The following PRR16 variants were observed in gnomAD, a reference collection of about 807,000 sequenced individuals.
PRR16 encodes the protein protein Largen.
In PRR16, 6 loss-of-function variants were observed where a neutral mutation model predicts 18.2. The ratio of observed to expected loss-of-function variants is 0.33; its 90% CI spans 0.18 to 0.65. PRR16 has a LOEUF of 0.65. Among genes scored for constraint, PRR16 ranks in the 30% least tolerant of loss-of-function variants. The pLI, the probability that PRR16 is intolerant of heterozygous loss-of-function variation, is 0.74. For missense variants in PRR16, 412 were observed against 376.6 expected (o/e 1.09, Z -0.78); for synonymous variants, 151 against 147.8 (o/e 1.02, Z -0.16).
At chr5:120,600,913 T>C (rs1207819880) in intron 1 of PRR16, among the ~76,000 whole-genome samples, 1 of 152,042 alleles carries the variant, frequency 6.6e-6, no homozygotes, top group Non-Finnish European at 1.5e-5. Flanking sequence ...ATTTTGTTTT[T>C]TATGGCTGTG....
chr5:120,735,388 A>C, the PRR16 span, among the ~76,000 whole-genome samples: 1 of 151,742 alleles, frequency 6.6e-6, no homozygotes, highest in African/African-American at 2.4e-5. Context: ...AAAAGTGGGG[A>C]TATATATATA....
the PRR16 span, among the ~76,000 whole-genome samples, chr5:120,706,063 T>C: frequency 6.7e-4 from 102 of 152,246 alleles, no homozygotes; most frequent in African/African-American, 2.3e-3. Flanking sequence ...GGTACAAAAA[T>C]GGCTTCCAAT....
chr5:120,711,863 G>A, the PRR16 span, among the ~76,000 whole-genome samples: 1 of 152,188 alleles, frequency 6.6e-6, no homozygotes. Flanking sequence ...GATTTACAGA[G>A]AGAGGCCAGG....
chr5:120,520,270 C>T (rs544155625), intron 1 of PRR16, among the ~76,000 whole-genome samples: 1 of 152,224 alleles, frequency 6.6e-6, no homozygotes, highest in South Asian at 2.1e-4. Context: ...TGGCAGGCGC[C>T]TGTAATCCCA....
At chr5:120,517,103 A>G (rs983323740) in intron 1 of PRR16, among the ~76,000 whole-genome samples, 2 of 152,214 alleles carry the variant, frequency 1.3e-5, no homozygotes, top group African/African-American at 2.4e-5. Flanking sequence ...TTGGCAGCAG[A>G]TACTTTTATC....
intron 1 of PRR16, among the ~76,000 whole-genome samples, chr5:120,601,905 C>T (rs991055712): frequency 5.9e-5 from 9 of 151,612 alleles, no homozygotes; most frequent in African/African-American, 2.2e-4. Context: ...GGTTCTGTAA[C>T]CTGGTCCATT....
At chr5:120,751,873 T>A in the PRR16 span, among the ~76,000 whole-genome samples, 1 of 152,084 alleles carries the variant, frequency 6.6e-6, no homozygotes, top group Non-Finnish European at 1.5e-5. Flanking sequence ...GTTTTCAGTG[T>A]ACTTCTGGAA....
At chr5:120,683,927 A>C (rs1268951243) in intron 1 of PRR16, among the ~76,000 whole-genome samples, 1 of 152,164 alleles carries the variant, frequency 6.6e-6, no homozygotes, top group African/African-American at 2.4e-5. Flanking sequence ...GCTTCAAAAA[A>C]AAAAAAAACC....
At chr5:120,547,432 C>T (rs760035661) in intron 1 of PRR16, among the ~76,000 whole-genome samples, 3 of 152,008 alleles carry the variant, frequency 2.0e-5, no homozygotes, top group East Asian at 1.9e-4. Flanking sequence ...GATACTTCAC[C>T]GAATCCCATA....
At chr5:120,652,586 A>G (rs903890904) in intron 1 of PRR16, among the ~76,000 whole-genome samples, 1 of 152,054 alleles carries the variant, frequency 6.6e-6, no homozygotes, top group Non-Finnish European at 1.5e-5. Flanking sequence ...TAGTCTAACC[A>G]TAAGAAAAGT....
At chr5:120,485,684 A>G (rs2112816879) in intron 1 of PRR16, among the ~76,000 whole-genome samples, 1 of 152,250 alleles carries the variant, frequency 6.6e-6, no homozygotes, top group South Asian at 2.1e-4. Context: ...GTTTTAGGGT[A>G]CATGTGCACA....
chr5:120,584,349 G>A lies in PRR16; in HGVS notation c.160-101605G>A, dbSNP rs146948509. On this transcript the variant is annotated intron_variant, in intron 1 of 1. Coordinates refer to ENST00000407149, the MANE Select transcript of PRR16 (RefSeq NM_001300783.2). The stretch of plus-strand genomic sequence containing the variant: ...ACATCAAAAATTATAAGCCTTATGA[G>A]TTGGAAAGAATCTTAGAGGGCATGT... Among the ~76,000 whole-genome samples, 650 of 152,276 alleles carry A rather than the reference G, an allele frequency of 4.3e-3. 6 individuals carry two copies. Among genetic ancestry groups the A allele is most frequent in the African/African-American group, 0.014 (600 of 41,556 alleles).
At chr5:120,473,990 C>A in intron 1 of PRR16, among the ~76,000 whole-genome samples, 1 of 152,110 alleles carries the variant, frequency 6.6e-6, no homozygotes. Flanking sequence ...TCTAGGGGAG[C>A]ATTTTCCCAA....
chr5:120,682,912 C>G (rs1243021389), intron 1 of PRR16, among the ~76,000 whole-genome samples: 1 of 152,024 alleles, frequency 6.6e-6, no homozygotes, highest in East Asian at 1.9e-4. Context: ...TTTGCTGAGC[C>G]CCTAATTAGT....
chr5:120,520,595 C>T (rs956518901), intron 1 of PRR16, among the ~76,000 whole-genome samples: 1 of 152,034 alleles, frequency 6.6e-6, no homozygotes, highest in Non-Finnish European at 1.5e-5. Flanking sequence ...TCTGAAGTTT[C>T]TAATACTTTT....
At chr5:120,781,768 T>C in the PRR16 span, among the ~76,000 whole-genome samples, 2 of 152,326 alleles carry the variant, frequency 1.3e-5, no homozygotes, top group East Asian at 1.9e-4. Context: ...CGAATACTGA[T>C]GTTTCATGGA....
intron 1 of PRR16, among the ~76,000 whole-genome samples, chr5:120,655,273 C>G (rs1327738483): frequency 6.6e-6 from 1 of 150,782 alleles, no homozygotes; most frequent in African/African-American, 2.4e-5. Context: ...AGCTGATAGA[C>G]ATTAAGTCTA....
At chr5:120,774,188 C>T in the PRR16 span, among the ~76,000 whole-genome samples, 1 of 152,200 alleles carries the variant, frequency 6.6e-6, no homozygotes, top group Non-Finnish European at 1.5e-5. Flanking sequence ...TAAAAAGCAG[C>T]TGCTATGGTT....
At chr5:120,650,753 G>A (rs961333979) in intron 1 of PRR16, among the ~76,000 whole-genome samples, 4 of 152,056 alleles carry the variant, frequency 2.6e-5, no homozygotes, top group Non-Finnish European at 5.9e-5. Context: ...TTGGTTCCAA[G>A]TCTTTGCTGT....
Sources: gnomAD v4.1 joint callset for allele counts (sites outside exome capture counted in the v4.1 genomes callset) on GRCh38, gnomAD v4.1.1 for gene constraint, MANE v1.5 for transcripts, NCBI Gene and HGNC (gene_info 2026-07-23, HGNC 2026-07-21) for gene names.